The following SLC22A23 variants were observed in gnomAD, a reference collection of about 807,000 sequenced individuals.
SLC22A23 encodes the protein ion transporter protein.
Under a neutral mutation model 61.0 loss-of-function variants are expected in SLC22A23, and 26 were observed. The ratio of observed to expected loss-of-function variants is 0.43; its 90% CI spans 0.31 to 0.59. The LOEUF (loss-of-function observed/expected upper bound fraction) is 0.59. Among genes scored for constraint, SLC22A23 ranks in the 20% least tolerant of loss-of-function variants. The pLI, the probability that SLC22A23 is intolerant of heterozygous loss-of-function variation, is 0.11. For missense variants in SLC22A23, 796 were observed against 934.7 expected (o/e 0.85, Z 1.94); for synonymous variants, 430 against 413.9 (o/e 1.04, Z -0.47).
intron 3 of SLC22A23, among the ~76,000 whole-genome samples, chr6:3,393,365 G>A (rs930690343): frequency 1.1e-4 from 16 of 152,304 alleles, no homozygotes; most frequent in Non-Finnish European, 2.2e-4. Flanking sequence ...CGAGCCATAC[G>A]TGGTTACTTA....
chr6:3,388,931 C>A (rs1318980839), intron 3 of SLC22A23, among the ~76,000 whole-genome samples: 1 of 151,934 alleles, frequency 6.6e-6, no homozygotes, highest in African/African-American at 2.4e-5. Flanking sequence ...ATGGGGAGTT[C>A]GTATTTTTTG....
chr6:3,388,931 C>T (rs1318980839), intron 3 of SLC22A23, among the ~76,000 whole-genome samples: 1 of 151,934 alleles, frequency 6.6e-6, no homozygotes, highest in Non-Finnish European at 1.5e-5. Context: ...ATGGGGAGTT[C>T]GTATTTTTTG....
Position 3,304,797 on chromosome 6 carries a change from G to C in SLC22A23, c.1083-6579C>G, listed in dbSNP as rs981307384. Reference sequence around the variant, plus strand: ...GTGTGGGGCAGGACCCAGAGGTAAGGCATGGGGTTGTGGGACGGTGCATTT... The same window carrying C: ...GTGTGGGGCAGGACCCAGAGGTAAGCCATGGGGTTGTGGGACGGTGCATTT... On this transcript the variant is annotated intron_variant, in intron 4 of 9. Coordinates refer to ENST00000406686, the MANE Select transcript of SLC22A23 (RefSeq NM_015482.2). This position sits in a 1 kb window ranked among gnomAD's most constrained non-coding sequence, Gnocchi z 4.3. Among the ~76,000 whole-genome samples the C allele has an allele frequency of 1.3e-5, 2 of 152,130 alleles. No homozygotes were observed. The highest frequency in any genetic ancestry group is 6.5e-5 in the Admixed American group (1 of 15,278).
At position 3,297,417 on chromosome 6, in the gene SLC22A23, G is replaced by A. The variant is rs1362417893; in HGVS notation, c.1210+674C>T. Among the ~76,000 whole-genome samples, 7 of 152,162 alleles carry A rather than the reference G, an allele frequency of 4.6e-5. No individual in the cohort carries two copies. The highest frequency in any genetic ancestry group is 1.0e-4 in the Non-Finnish European group (7 of 68,042). ...GGAAATCTGTATACCACTTGCATCA[G>A]AATCTCTTCTAGTGCTTATTAGAAA... On this transcript the variant is annotated intron_variant, in intron 5 of 9. Coordinates refer to ENST00000406686, the MANE Select transcript of SLC22A23 (RefSeq NM_015482.2). This position sits in a 1 kb window ranked among gnomAD's most constrained non-coding sequence, Gnocchi z 4.3.
intron 3 of SLC22A23, among the ~76,000 whole-genome samples, chr6:3,405,258 C>CA (rs59318570): frequency 0.11 from 15,846 of 139,628 alleles, 990 homozygotes; most frequent in East Asian, 0.21. Flanking sequence ...GAGACTGTCT[C>CA]AAAAAATTTA....
intron 4 of SLC22A23, among the ~76,000 whole-genome samples, chr6:3,307,867 G>A (rs1762096188): frequency 1.3e-5 from 2 of 152,192 alleles, no homozygotes; most frequent in Non-Finnish European, 2.9e-5. Flanking sequence ...AACAAAATGT[G>A]GTCCATTTGT....
intron 1 of SLC22A23, among the ~76,000 whole-genome samples, chr6:3,418,147 T>C (rs568772441): frequency 6.6e-6 from 1 of 152,204 alleles, no homozygotes; most frequent in South Asian, 2.1e-4. Context: ...CATCATGCCT[T>C]TGGGAGCCTC....
At position 3,340,922 on chromosome 6, in the gene SLC22A23, A is replaced by G. The variant is rs112368438; in HGVS notation, c.914-16920T>C. ...AGCTTATGCTCCTTCTTTCAGGATC[A>G]GGTTGAATGAGGAGGGGCCGGTCTC... On this transcript the variant is annotated intron_variant, in intron 3 of 9. Coordinates refer to ENST00000406686, the MANE Select transcript of SLC22A23 (RefSeq NM_015482.2). 3.4e-3 allele frequency among the ~76,000 whole-genome samples: 523 copies of G among 152,378 alleles called. 3 individuals carry two copies. The highest frequency in any genetic ancestry group is 0.012 in the African/African-American group (482 of 41,590).
chr6:3,328,912 A>C lies in SLC22A23; in HGVS notation c.914-4910T>G, dbSNP rs1763429479. ...GCTGCACCCCCTCCCTCCCCTTCTTACTCCCCACTCTCTCATCCTGTCCCT... is the reference window on the plus strand; with the variant it reads ...GCTGCACCCCCTCCCTCCCCTTCTTCCTCCCCACTCTCTCATCCTGTCCCT... On this transcript the variant is annotated intron_variant, in intron 3 of 9. Coordinates refer to ENST00000406686, the MANE Select transcript of SLC22A23 (RefSeq NM_015482.2). This position sits in a 1 kb window ranked among gnomAD's most constrained non-coding sequence, Gnocchi z 5.0. 6.7e-6 allele frequency among the ~76,000 whole-genome samples: 1 copy of C among 149,824 alleles called. No homozygotes were observed. Among genetic ancestry groups the C allele is most frequent in the South Asian group, 2.1e-4 (1 of 4,718 alleles).
At chr6:3,436,783 C>T (rs12528657) in intron 1 of SLC22A23, among the ~76,000 whole-genome samples, 1 of 152,324 alleles carries the variant, frequency 6.6e-6, no homozygotes, top group East Asian at 1.9e-4. Flanking sequence ...CAATAAACAT[C>T]TGAATGTTAA....
intron 3 of SLC22A23, among the ~76,000 whole-genome samples, chr6:3,335,877 T>C (rs550419003): frequency 3.3e-5 from 5 of 152,212 alleles, no homozygotes; most frequent in Admixed American, 6.5e-5. Context: ...ATCAAGAGGT[T>C]AGGAGATCGA....
chr6:3,384,859 G>A (rs1036695277), intron 3 of SLC22A23, among the ~76,000 whole-genome samples: 9 of 152,160 alleles, frequency 5.9e-5, no homozygotes, highest in African/African-American at 2.2e-4. Flanking sequence ...GTGAATGGGT[G>A]AACAAAATGT....
chr6:3,407,828 C>T (rs1768938551), intron 3 of SLC22A23, among the ~76,000 whole-genome samples: 1 of 152,198 alleles, frequency 6.6e-6, no homozygotes, highest in South Asian at 2.1e-4. Context: ...ATAACATACA[C>T]ACTAAGATAC....
intron 1 of SLC22A23, among the ~76,000 whole-genome samples, chr6:3,430,212 G>A (rs760728584): frequency 2.0e-5 from 3 of 152,160 alleles, no homozygotes; most frequent in Non-Finnish European, 2.9e-5. Context: ...TTATATTCGC[G>A]AGAAAATCTC....
rs993692513 is a variant in SLC22A23, at chr6:3,308,321, T to A, written c.1083-10103A>T. 4.6e-5 allele frequency among the ~76,000 whole-genome samples: 7 copies of A among 152,188 alleles called. No homozygotes were observed. Among genetic ancestry groups the A allele is most frequent in the Admixed American group, 4.6e-4 (7 of 15,280 alleles). On this transcript the variant is annotated intron_variant, in intron 4 of 9. Transcript: ENST00000406686. This position sits in a 1 kb window ranked among gnomAD's most constrained non-coding sequence, Gnocchi z 5.1. ...GCTAAGCCCTCCCTGGGTGGGCACA[T>A]GTCCTTCCAAATCGTATTCAGGGCG...
chr6:3,292,196 A>G lies in SLC22A23; in HGVS notation c.1211-2330T>C, dbSNP rs189636273. On this transcript the variant is annotated intron_variant, in intron 5 of 9. Transcript: ENST00000406686. ...AACAGCATGAAGCTTCCGCAGCATT[A>G]TATCTGTTCTTCTGGGCCTCAAATC... is the stretch of plus-strand genomic sequence containing the variant. Among the ~76,000 whole-genome samples, 156 of 152,300 alleles carry G rather than the reference A, an allele frequency of 1.0e-3. 1 individual carries two copies. Among genetic ancestry groups the G allele is most frequent in the African/African-American group, 3.5e-3 (145 of 41,566 alleles).
At chr6:3,362,438 A>AAC (rs1765536751) in intron 3 of SLC22A23, among the ~76,000 whole-genome samples, 1 of 136,852 alleles carries the variant, frequency 7.3e-6, no homozygotes, top group Non-Finnish European at 1.5e-5. Flanking sequence ...ATAAAAAATA[A>AAC]AAATTAGCAT....
chr6:3,447,067 C>G (rs1370535239), intron 1 of SLC22A23, among the ~76,000 whole-genome samples: 1 of 152,198 alleles, frequency 6.6e-6, no homozygotes, highest in Admixed American at 6.5e-5. Context: ...TGCATCATAT[C>G]CCTTATCCCA....
intron 3 of SLC22A23, among the ~76,000 whole-genome samples, chr6:3,337,933 T>A (rs1221223022): frequency 6.6e-6 from 1 of 152,216 alleles, no homozygotes; most frequent in African/African-American, 2.4e-5. Flanking sequence ...TACCCACCTT[T>A]CTGCTTAGAG....
Sources: gnomAD v4.1 joint callset for allele counts (sites outside exome capture counted in the v4.1 genomes callset) on GRCh38, gnomAD v4.1.1 for gene constraint, Gnocchi (gnomAD v3.1) non-coding constraint, MANE v1.5 for transcripts, NCBI Gene and HGNC (gene_info 2026-07-23, HGNC 2026-07-21) for gene names.